Variants in RBPJ observed in about 807,000 individuals in gnomAD.
RBPJ encodes the protein recombination signal binding protein for immunoglobulin kappa J region.
RBPJ carries 9 observed loss-of-function variants against 67.8 expected under a neutral mutation model. The ratio of observed to expected loss-of-function variants is 0.13; its 90% CI spans 0.08 to 0.23. RBPJ has a LOEUF of 0.23. Ranked by LOEUF, RBPJ falls within the 10% of genes least tolerant of loss-of-function variation. The probability of loss-of-function intolerance (pLI) is 1.00; values close to 1 mark genes in which losing one functional copy is unlikely to be tolerated. For missense variants in RBPJ, 305 were observed against 595.6 expected (o/e 0.51, Z 5.08); for synonymous variants, 198 against 203.3 (o/e 0.97, Z 0.22).
chr4:26,267,905 A>G (rs6448445), intron 1 of RBPJ, among the ~76,000 whole-genome samples: 125,888 of 152,024 alleles, frequency 0.83, 52,666 homozygotes, highest in African/African-American at 0.96. Context: ...ACGGCACCCG[A>G]CCCACAATTT....
At chr4:26,390,825 T>C (rs930701937) in intron 2 of RBPJ, among the ~76,000 whole-genome samples, 11 of 152,202 alleles carry the variant, frequency 7.2e-5, no homozygotes, top group Non-Finnish European at 1.3e-4. Flanking sequence ...AAGGCCAAGG[T>C]GTGAGGATCA....
At chr4:26,377,755 GT>G (rs1001103952) in intron 1 of RBPJ, among the ~76,000 whole-genome samples, 16 of 152,124 alleles carry the variant, frequency 1.1e-4, no homozygotes, top group Non-Finnish European at 5.9e-5. Flanking sequence ...GCCTTTCTCT[GT>G]TTTTATTTTA....
chr4:26,309,589 A>G (rs1399758294), intron 1 of RBPJ, among the ~76,000 whole-genome samples: 1 of 152,226 alleles, frequency 6.6e-6, no homozygotes, highest in Non-Finnish European at 1.5e-5. Flanking sequence ...TGGTAGAAGT[A>G]CTAGTGGTGA....
chr4:26,276,992 C>G (rs1721106163), intron 1 of RBPJ, among the ~76,000 whole-genome samples: 1 of 151,966 alleles, frequency 6.6e-6, no homozygotes. Context: ...AGTGAAAAAC[C>G]TGGCTGGGTG....
At chr4:26,260,561 G>C (rs1220319986) in intron 1 of RBPJ, among the ~76,000 whole-genome samples, 1 of 152,182 alleles carries the variant, frequency 6.6e-6, no homozygotes, top group African/African-American at 2.4e-5. Context: ...CAGGGGCTCT[G>C]ATAAATCTAA....
At chr4:26,266,165 C>T (rs1317273812) in intron 1 of RBPJ, among the ~76,000 whole-genome samples, 3 of 152,166 alleles carry the variant, frequency 2.0e-5, no homozygotes, top group African/African-American at 7.2e-5. Flanking sequence ...TGTCCTGCCA[C>T]ATCCTATTCC....
intron 1 of RBPJ, among the ~76,000 whole-genome samples, chr4:26,201,834 A>G (rs1449415061): frequency 2.6e-5 from 4 of 152,206 alleles, no homozygotes; most frequent in African/African-American, 9.7e-5. Context: ...CCTGAGTCAC[A>G]CAAGAAACTC....
chr4:26,167,807 G>T (rs1716379068), intron 1 of RBPJ, among the ~76,000 whole-genome samples: 1 of 150,830 alleles, frequency 6.6e-6, no homozygotes, highest in South Asian at 2.1e-4. Flanking sequence ...TTTTCAAAGG[G>T]AATGCTTCCA....
chr4:26,176,619 C>G (rs186439762), intron 1 of RBPJ, among the ~76,000 whole-genome samples: 50 of 152,350 alleles, frequency 3.3e-4, no homozygotes, highest in Admixed American at 3.0e-3. Flanking sequence ...AGCTGACGTC[C>G]CCCTTCAACA....
chr4:26,237,409 C>T (rs190867223), intron 1 of RBPJ, among the ~76,000 whole-genome samples: 16 of 152,008 alleles, frequency 1.1e-4, no homozygotes, highest in South Asian at 8.3e-4. Flanking sequence ...AATCCTTTCT[C>T]GAAGCCTCAC....
At chr4:26,327,672 A>C (rs534338717) in intron 1 of RBPJ, among the ~76,000 whole-genome samples, 1 of 151,476 alleles carries the variant, frequency 6.6e-6, no homozygotes, top group Non-Finnish European at 1.5e-5. Flanking sequence ...AAAAGTTTAC[A>C]TAACAGGAGA....
At chr4:26,219,483 C>G (rs2109188739) in intron 1 of RBPJ, among the ~76,000 whole-genome samples, 1 of 152,302 alleles carries the variant, frequency 6.6e-6, no homozygotes, top group East Asian at 1.9e-4. Flanking sequence ...AGTTCCAGTT[C>G]TGTAGCTGAC....
intron 1 of RBPJ, among the ~76,000 whole-genome samples, chr4:26,348,319 C>T (rs7656190): frequency 0.52 from 79,526 of 151,842 alleles, 21,420 homozygotes; most frequent in Admixed American, 0.63. Flanking sequence ...GGAGGGGTGA[C>T]GTTTGTGTTT....
At position 26,430,319 on chromosome 4, in the gene RBPJ, T is replaced by C. The variant is rs1437217609; in HGVS notation, c.1045-100T>C. 1 of 1,099,402 alleles carries C rather than the reference T, an allele frequency of 9.1e-7. No homozygotes were observed. Among genetic ancestry groups the C allele is most frequent in the East Asian group, 2.5e-5 (1 of 40,664 alleles). 68.1% of individuals were successfully genotyped at this position (1,099,402 alleles called of 1,614,324 possible). A position where few individuals can be genotyped will look rare whatever the true frequency, so the allele number is the denominator to read the frequency against. The stretch of plus-strand genomic sequence containing the variant: ...AATAAAAAACATTTTAATTGCCCTT[T>C]TTTAAAAAAAACAAATGAAAGTTGA... On this transcript the variant is annotated intron_variant, in intron 9 of 10. Coordinates refer to ENST00000355476, the MANE Select transcript of RBPJ (RefSeq NM_015874.6). This position sits in a 1 kb window ranked among gnomAD's most constrained non-coding sequence, Gnocchi z 4.1.
intron 1 of RBPJ, among the ~76,000 whole-genome samples, chr4:26,284,821 T>A (rs1721407516): frequency 1.3e-5 from 2 of 152,002 alleles, no homozygotes; most frequent in Non-Finnish European, 2.9e-5. Context: ...AACCAGTCTG[T>A]TGTGTGTCCT....
At chr4:26,383,945 G>A (rs1248920817) in intron 1 of RBPJ, 1 of 152,082 alleles carries the variant, frequency 6.6e-6, no homozygotes, top group Non-Finnish European at 1.5e-5. Context: ...CTGCAGCCTC[G>A]ACTTCCTGGA....
At chr4:26,257,506 G>T (rs1413114632) in intron 1 of RBPJ, among the ~76,000 whole-genome samples, 1 of 152,188 alleles carries the variant, frequency 6.6e-6, no homozygotes, top group Admixed American at 6.5e-5. Flanking sequence ...GTGCATGCCT[G>T]TAATCCCAGC....
chr4:26,211,513 C>T (rs1343262153), intron 1 of RBPJ, among the ~76,000 whole-genome samples: 5 of 152,106 alleles, frequency 3.3e-5, no homozygotes, highest in African/African-American at 1.2e-4. Context: ...GTAAATAATT[C>T]ACCTCTGTAA....
rs1448131472 is a variant in RBPJ, at chr4:26,352,873, CATTAAA to C, written c.20+31834_20+31839del. Among the ~76,000 whole-genome samples the C allele has an allele frequency of 1.6e-4, 25 of 152,344 alleles. 1 individual carries two copies. Among genetic ancestry groups the C allele is most frequent in the Non-Finnish European group, 3.7e-4 (25 of 68,028 alleles). The stretch of plus-strand genomic sequence containing the variant: ...GACATTGCTTCTTAGAGACCATTTT[CATTAAA>C]ATTAAAATCTAATCCAGCATGTAGC... On this transcript the variant is annotated intron_variant, in intron 1 of 10. Transcript: ENST00000355476.
Sources: allele counts gnomAD v4.1 joint callset (sites outside exome capture counted in the v4.1 genomes callset), GRCh38; gene constraint gnomAD v4.1.1; non-coding constraint Gnocchi (gnomAD v3.1); transcripts MANE v1.5; gene names NCBI Gene and HGNC (gene_info 2026-07-23, HGNC 2026-07-21).